Variants in GNG4 observed in about 807,000 individuals in gnomAD.
GNG4 encodes G protein subunit gamma 4.
Under a neutral mutation model 5.8 loss-of-function variants are expected in GNG4, and 4 were observed. That is an observed-to-expected ratio of 0.69 (90% confidence interval 0.34 to 1.57). The LOEUF (loss-of-function observed/expected upper bound fraction) is 1.57, where lower values mean the gene tolerates loss of function less well. GNG4 is among the 40% of genes most tolerant of loss of function. The pLI is 0.06. For missense variants in GNG4, 96 were observed against 95.1 expected (o/e 1.01, Z -0.04); for synonymous variants, 29 against 32.9 (o/e 0.88, Z 0.41).
rs918700733 is a variant in GNG4 at position 235,642,520 on chromosome 1, T to G, written c.-123+7142A>C. 6.6e-6 allele frequency among the ~76,000 whole-genome samples: 1 copy of G among 151,946 alleles called. No homozygotes were observed. The highest frequency in any genetic ancestry group is 1.5e-5 in the Non-Finnish European group (1 of 67,994). On this transcript the variant is annotated intron_variant, in intron 1 of 3. Transcript: ENST00000391854. This position sits in a 1 kb window ranked among gnomAD's most constrained non-coding sequence, Gnocchi z 4.3. ...TCATAAACAAGAGGCAGGATGCAAC[T>G]GCTTCAACGCAGAAAGAATGAGTCA...
intron 2 of GNG4, among the ~76,000 whole-genome samples, chr1:235,586,289 A>G (rs1169779022): frequency 6.6e-6 from 1 of 151,972 alleles, no homozygotes; most frequent in Non-Finnish European, 1.5e-5. Context: ...GCGTTCCTGC[A>G]CATGTGTTGG....
At chr1:235,581,550 C>G (rs938314791) in intron 3 of GNG4, among the ~76,000 whole-genome samples, 4 of 151,922 alleles carry the variant, frequency 2.6e-5, no homozygotes, top group African/African-American at 9.7e-5. Context: ...TATCGCCTCC[C>G]CCTTCTCTCT....
chr1:235,633,228 G>A (rs1406529478), intron 1 of GNG4, among the ~76,000 whole-genome samples: 1 of 152,194 alleles, frequency 6.6e-6, no homozygotes, highest in Non-Finnish European at 1.5e-5. Flanking sequence ...TGTTCATGGA[G>A]ACTTGTCCCT....
chr1:235,587,332 T>TGGGA, intron 2 of GNG4, among the ~76,000 whole-genome samples: 1 of 88,762 alleles, frequency 1.1e-5, no homozygotes, highest in East Asian at 4.1e-4. Context: ...TGTGAGAGTG[T>TGGGA]GAGAGCATGT....
chr1:235,589,614 G>C (rs974065743), intron 2 of GNG4, among the ~76,000 whole-genome samples: 1 of 152,228 alleles, frequency 6.6e-6, no homozygotes, highest in Non-Finnish European at 1.5e-5. Flanking sequence ...GTATAGTTGT[G>C]AACCTGACAA....
intron 1 of GNG4, among the ~76,000 whole-genome samples, chr1:235,646,557 G>C (rs1309525979): frequency 3.3e-5 from 5 of 152,094 alleles, no homozygotes; most frequent in Admixed American, 6.5e-5. Flanking sequence ...TCCGATCCTC[G>C]GAGACTGGGC....
Position 235,551,941 on chromosome 1 carries a change from T to C in GNG4, c.*168A>G. ...AACATGAAAATGAAAAGGAAAAAAA[T>C]GAAATTGAATGCCACGAAGAAAACA... On this transcript the variant is annotated 3_prime_UTR_variant, in exon 4 of 4. Coordinates refer to ENST00000391854, the MANE Select transcript of GNG4 (RefSeq NM_001098722.2). 1 of 519,502 alleles carries C rather than the reference T, an allele frequency of 1.9e-6. No homozygotes were observed. Among genetic ancestry groups the C allele is most frequent in the Non-Finnish European group, 3.5e-6 (1 of 286,170 alleles). 32.2% of individuals were successfully genotyped at this position (519,502 alleles called of 1,614,324 possible).
At chr1:235,567,348 AT>A (rs1456730577) in intron 3 of GNG4, among the ~76,000 whole-genome samples, 1 of 152,158 alleles carries the variant, frequency 6.6e-6, no homozygotes, top group Admixed American at 6.6e-5. Context: ...CGTCTTAACT[AT>A]TTTTAAGTAT....
chr1:235,601,383 T>C (rs1485737918), intron 1 of GNG4, among the ~76,000 whole-genome samples: 1 of 152,182 alleles, frequency 6.6e-6, no homozygotes, highest in African/African-American at 2.4e-5. Context: ...GGAATCACCA[T>C]GCTGATCCAT....
rs1361505376 is a variant in GNG4 at position 235,555,743 on chromosome 1, A to G, written c.100-3506T>C. On this transcript the variant is annotated intron_variant, in intron 3 of 3. Transcript: ENST00000391854. ...TGACAAATAAAAATGGAATATATTTATGGTGTACAACATGATGTTTTGATA... is the reference window on the plus strand; with the variant it reads ...TGACAAATAAAAATGGAATATATTTGTGGTGTACAACATGATGTTTTGATA... Among the ~76,000 whole-genome samples, 4 of 151,932 alleles carry G rather than the reference A, an allele frequency of 2.6e-5. No homozygotes were observed. In the East Asian group the frequency reaches 7.7e-4, roughly 29 times the overall value.
At chr1:235,633,003 G>T (rs1447326159) in intron 1 of GNG4, among the ~76,000 whole-genome samples, 1 of 152,134 alleles carries the variant, frequency 6.6e-6, no homozygotes, top group Non-Finnish European at 1.5e-5. Flanking sequence ...ATCTCTCTAC[G>T]GTGGTTATTC....
intron 1 of GNG4, chr1:235,616,167 G>A: frequency 1.9e-6 from 1 of 516,848 alleles, no homozygotes; most frequent in South Asian, 1.4e-5. Flanking sequence ...CTGGCCTTTG[G>A]CATCCTGGCC....
chr1:235,561,480 C>G (rs1387411004), intron 3 of GNG4, among the ~76,000 whole-genome samples: 1 of 152,116 alleles, frequency 6.6e-6, no homozygotes, highest in Non-Finnish European at 1.5e-5. Context: ...GGTGCAACCT[C>G]CACCTCTGGG....
chr1:235,619,163 A>G (rs1688657720), intron 1 of GNG4, among the ~76,000 whole-genome samples: 2 of 94,902 alleles, frequency 2.1e-5, no homozygotes, highest in African/African-American at 1.5e-4. Context: ...AAAAATTTAT[A>G]TATATATATA....
intron 2 of GNG4, among the ~76,000 whole-genome samples, chr1:235,587,607 G>GTGTGTGTGAGCGTGGGTTTGT (rs1558486363): frequency 0.041 from 26 of 628 alleles, no homozygotes; most frequent in Non-Finnish European, 0.061. Context: ...GGGAGGGCAT[G>GTGTGTGTGAGCGTGGGTTTGT]GGGTGGGGTG....
chr1:235,568,034 C>T (rs79373535), intron 3 of GNG4, among the ~76,000 whole-genome samples: 135 of 152,294 alleles, frequency 8.9e-4, no homozygotes, highest in African/African-American at 3.2e-3. Context: ...TGTAACTGCA[C>T]GAACCCCCTC....
chr1:235,613,738 T>C (rs953903928), intron 1 of GNG4, among the ~76,000 whole-genome samples: 1 of 152,192 alleles, frequency 6.6e-6, no homozygotes, highest in Non-Finnish European at 1.5e-5. Flanking sequence ...AGAACTGTAA[T>C]ATAATAAACT....
intron 1 of GNG4, among the ~76,000 whole-genome samples, chr1:235,639,583 G>A (rs1172927006): frequency 6.6e-6 from 1 of 151,752 alleles, no homozygotes; most frequent in Non-Finnish European, 1.5e-5. Flanking sequence ...TTACTCTGTC[G>A]CCCAGGCTGG....
At chr1:235,597,631 T>TGTGTG (rs71174447) in intron 1 of GNG4, among the ~76,000 whole-genome samples, 2 of 107,894 alleles carry the variant, frequency 1.9e-5, no homozygotes, top group African/African-American at 8.6e-5. Context: ...TGTGTGTGTA[T>TGTGTG]TTTTTTTTTT....
Sources: gnomAD v4.1 joint callset for allele counts (sites outside exome capture counted in the v4.1 genomes callset) on GRCh38, gnomAD v4.1.1 for gene constraint, Gnocchi (gnomAD v3.1) non-coding constraint, MANE v1.5 for transcripts, NCBI Gene and HGNC (gene_info 2026-07-23, HGNC 2026-07-21) for gene names.